The following XIRP2 variants were observed in gnomAD, a reference collection of about 807,000 sequenced individuals.
XIRP2 encodes xin actin binding repeat containing 2.
In XIRP2, 236 loss-of-function variants were observed where a neutral mutation model predicts 277.0. The ratio of observed to expected loss-of-function variants is 0.85; its 90% CI spans 0.77 to 0.95. XIRP2 has a LOEUF of 0.95. XIRP2 is among the 40% of genes least tolerant of loss of function. The pLI is 0.00. For synonymous variants in XIRP2, 1,490 were observed against 1,416.5 expected (o/e 1.05, Z -1.17); for missense variants, 4,640 against 4,157.5 (o/e 1.12, Z -3.19).
intron 2 of XIRP2, among the ~76,000 whole-genome samples, chr2:167,082,118 C>G (rs1231393092): frequency 2.7e-5 from 4 of 149,298 alleles, no homozygotes; most frequent in Non-Finnish European, 4.4e-5. Context: ...ACCACAGTCC[C>G]CAGAGTGTGA....
intron 2 of XIRP2, among the ~76,000 whole-genome samples, chr2:167,034,130 G>C (rs1281374022): frequency 6.6e-6 from 1 of 152,084 alleles, no homozygotes; most frequent in Admixed American, 6.6e-5. Context: ...AAGTTAAAAA[G>C]AATGGGGATG....
intron 2 of XIRP2, among the ~76,000 whole-genome samples, chr2:166,957,516 A>AT (rs1363458381): frequency 6.6e-6 from 1 of 151,796 alleles, no homozygotes; most frequent in Non-Finnish European, 1.5e-5. Flanking sequence ...AATTATCTCT[A>AT]TTTTTTATGA....
intron 2 of XIRP2, among the ~76,000 whole-genome samples, chr2:166,917,280 C>T (rs142081163): frequency 6.6e-6 from 1 of 152,168 alleles, no homozygotes; most frequent in African/African-American, 2.4e-5. Context: ...CAAAGAGCTG[C>T]AGTTTGTTCA....
intron 3 of XIRP2, chr2:167,187,136 C>T (rs138485768): frequency 2.5e-4 from 130 of 517,874 alleles, no homozygotes; most frequent in African/African-American, 2.5e-3. Context: ...TACAGAAATT[C>T]AGAGTTGGCT....
At chr2:167,095,318 C>T (rs903002660) in intron 2 of XIRP2, among the ~76,000 whole-genome samples, 1 of 152,006 alleles carries the variant, frequency 6.6e-6, no homozygotes, top group Admixed American at 6.6e-5. Context: ...TTTCTCTTAC[C>T]TGATTGCCCT....
intron 2 of XIRP2, among the ~76,000 whole-genome samples, chr2:167,051,848 T>C (rs1688922381): frequency 6.6e-6 from 1 of 152,128 alleles, no homozygotes; most frequent in Non-Finnish European, 1.5e-5. Context: ...TCTGTAACTG[T>C]AAATTTGCCT....
rs1695313933 is a variant in XIRP2 at position 167,247,478 on chromosome 2, T to C, written c.6086T>C (p.Val2029Ala). The C allele has an allele frequency of 1.9e-6, 3 of 1,613,636 alleles. No homozygotes were observed. The highest frequency in any genetic ancestry group is 2.2e-5 in the South Asian group (2 of 91,072). ...GCCCCCAAAGGCACTGTAAAGATTG[T>C]CATAGATCGTGAACAAAACAATGAT... ...PKAPKGTVKI[V>A]IDREQNNDAL... is the part of the protein sequence containing the mutation. The change falls in exon 9 of 11, where the codon GTC becomes GCC. Residue 2029 changes from valine (V) to alanine (A), a missense_variant. Coordinates refer to ENST00000409195, the MANE Select transcript of XIRP2 (RefSeq NM_152381.6).
intron 2 of XIRP2, among the ~76,000 whole-genome samples, chr2:167,029,894 A>C (rs573064900): frequency 3.0e-4 from 46 of 152,062 alleles, no homozygotes; most frequent in African/African-American, 1.1e-3. Context: ...CTTGTTATTC[A>C]TCAGTTCAGG....
intron 2 of XIRP2, among the ~76,000 whole-genome samples, chr2:167,058,719 A>G (rs1365105425): frequency 6.6e-6 from 1 of 152,200 alleles, no homozygotes; most frequent in African/African-American, 2.4e-5. Flanking sequence ...AACACGTAAT[A>G]TGCTTCTGTT....
chr2:167,234,841 A>G (rs933857193), intron 5 of XIRP2, among the ~76,000 whole-genome samples: 4 of 151,860 alleles, frequency 2.6e-5, no homozygotes, highest in Non-Finnish European at 5.9e-5. Context: ...CAGTGTCATC[A>G]TAAATATCTC....
At chr2:167,019,323 T>C (rs1687920010) in intron 2 of XIRP2, among the ~76,000 whole-genome samples, 1 of 152,118 alleles carries the variant, frequency 6.6e-6, no homozygotes, top group Non-Finnish European at 1.5e-5. Flanking sequence ...ATGTACACTC[T>C]GATTACAAAG....
intron 2 of XIRP2, among the ~76,000 whole-genome samples, chr2:167,057,809 C>A (rs994524377): frequency 1.3e-5 from 2 of 151,944 alleles, no homozygotes; most frequent in East Asian, 1.9e-4. Context: ...ATACAGGATA[C>A]CTTTATCGCT....
At chr2:167,116,124 A>G (rs1690890644) in intron 2 of XIRP2, among the ~76,000 whole-genome samples, 1 of 152,106 alleles carries the variant, frequency 6.6e-6, no homozygotes, top group African/African-American at 2.4e-5. Flanking sequence ...CTTGGGTGAG[A>G]TGTTCTGTAA....
At chr2:167,045,739 C>T (rs945623567) in intron 2 of XIRP2, among the ~76,000 whole-genome samples, 5 of 151,682 alleles carry the variant, frequency 3.3e-5, no homozygotes, top group Admixed American at 1.3e-4. Flanking sequence ...AAATACATGT[C>T]GGCAAGGAGA....
At chr2:167,195,854 C>T (rs1227843180) in intron 3 of XIRP2, among the ~76,000 whole-genome samples, 1 of 152,146 alleles carries the variant, frequency 6.6e-6, no homozygotes, top group African/African-American at 2.4e-5. Context: ...TGACTCTGGG[C>T]TGCAGGAGTA....
chr2:166,949,306 A>C (rs1344146709), intron 2 of XIRP2, among the ~76,000 whole-genome samples: 1 of 152,084 alleles, frequency 6.6e-6, no homozygotes, highest in Non-Finnish European at 1.5e-5. Flanking sequence ...TGTGTCCTTA[A>C]ACAACTTACT....
chr2:167,080,592 A>G (rs1689702396), intron 2 of XIRP2, among the ~76,000 whole-genome samples: 1 of 152,200 alleles, frequency 6.6e-6, no homozygotes, highest in Admixed American at 6.5e-5. Context: ...AAGAGATGGA[A>G]GGAAGGAAGG....
intron 2 of XIRP2, among the ~76,000 whole-genome samples, chr2:167,126,731 A>T (rs1303233346): frequency 6.6e-6 from 1 of 152,104 alleles, no homozygotes; most frequent in Non-Finnish European, 1.5e-5. Flanking sequence ...GACAGCAGTG[A>T]TCTTCTCCCA....
chr2:167,001,415 C>T (rs1018275532), intron 2 of XIRP2, among the ~76,000 whole-genome samples: 1 of 152,114 alleles, frequency 6.6e-6, no homozygotes. Flanking sequence ...TAACTTGTTT[C>T]ACCTCAAATG....
Sources: gnomAD v4.1 joint callset for allele counts (sites outside exome capture counted in the v4.1 genomes callset) on GRCh38, gnomAD v4.1.1 for gene constraint, MANE v1.5 for transcripts, NCBI Gene and HGNC (gene_info 2026-07-23, HGNC 2026-07-21) for gene names.